The following PCDH15 variants were observed in gnomAD, a reference collection of about 807,000 sequenced individuals.
PCDH15 encodes protocadherin related 15.
A neutral mutation model predicts 178.5 loss-of-function variants in PCDH15; 129 were observed. The ratio of observed to expected loss-of-function variants is 0.72; its 90% confidence interval spans 0.63 to 0.84. The LOEUF is 0.84. Ranked by LOEUF, PCDH15 falls within the 40% of genes least tolerant of loss-of-function variation. The pLI is 0.00. For synonymous variants in PCDH15, 800 were observed against 732.0 expected (o/e 1.09, Z -1.50); for missense variants, 2,230 against 2,099.9 (o/e 1.06, Z -1.21).
intron 23 of PCDH15, among the ~76,000 whole-genome samples, chr10:53,942,283 C>T (rs1477732889): frequency 2.3e-5 from 2 of 85,570 alleles, no homozygotes; most frequent in East Asian, 7.0e-4. Context: ...ATTTTACTGT[C>T]CTGCATTTTC....
intron 13 of PCDH15, among the ~76,000 whole-genome samples, chr10:54,171,393 C>T (rs2046889431): frequency 6.6e-6 from 1 of 152,198 alleles, no homozygotes; most frequent in Admixed American, 6.5e-5. Context: ...TACAGGGGTA[C>T]AGCCCATTTG....
At chr10:54,146,978 G>A (rs905585353) in intron 14 of PCDH15, among the ~76,000 whole-genome samples, 1 of 119,756 alleles carries the variant, frequency 8.4e-6, no homozygotes, top group Non-Finnish European at 1.7e-5. Context: ...TATATATAGT[G>A]TATATATATA....
At chr10:55,537,120 C>T (rs570251345) in intron 2 of PCDH15, among the ~76,000 whole-genome samples, 6 of 151,752 alleles carry the variant, frequency 4.0e-5, no homozygotes, top group South Asian at 2.1e-4. Flanking sequence ...TATTATTAAC[C>T]GAGACTAAAA....
At chr10:54,299,463 G>A (rs904695304) in intron 8 of PCDH15, among the ~76,000 whole-genome samples, 12 of 152,196 alleles carry the variant, frequency 7.9e-5, no homozygotes, top group African/African-American at 2.9e-4. Context: ...TGATAATTAA[G>A]GGTCTTCTCT....
At chr10:55,143,080 C>T (rs968463222) in intron 2 of PCDH15, among the ~76,000 whole-genome samples, 8 of 152,092 alleles carry the variant, frequency 5.3e-5, no homozygotes, top group African/African-American at 9.7e-5. Flanking sequence ...CCCCTGCTCG[C>T]GCTCGCGCTC....
intron 2 of PCDH15, among the ~76,000 whole-genome samples, chr10:55,567,785 G>T (rs1025454502): frequency 2.0e-5 from 3 of 151,848 alleles, no homozygotes; most frequent in African/African-American, 7.2e-5. Flanking sequence ...TCACACACAG[G>T]TGCAAGTTGT....
intron 1 of PCDH15, among the ~76,000 whole-genome samples, chr10:54,733,913 CT>C (rs1157807287): frequency 1.3e-5 from 2 of 150,952 alleles, no homozygotes; most frequent in African/African-American, 4.9e-5. Context: ...GGACCTTCAC[CT>C]GTACTTCACA....
chr10:54,710,637 T>C (rs549825825), intron 1 of PCDH15, among the ~76,000 whole-genome samples: 1 of 152,060 alleles, frequency 6.6e-6, no homozygotes, highest in South Asian at 2.1e-4. Flanking sequence ...TTGCACAAAG[T>C]AGAAGAGACA....
chr10:55,022,344 C>A (rs537342376), intron 2 of PCDH15, among the ~76,000 whole-genome samples: 1 of 149,026 alleles, frequency 6.7e-6, no homozygotes, highest in Non-Finnish European at 1.5e-5. Flanking sequence ...CCCAGTTAAT[C>A]GGGAGGCAGA....
intron 2 of PCDH15, among the ~76,000 whole-genome samples, chr10:55,407,707 T>C (rs545026189): frequency 1.2e-4 from 18 of 152,200 alleles, no homozygotes; most frequent in South Asian, 1.0e-3. Flanking sequence ...CACAAACACA[T>C]GCACAAACAC....
intron 2 of PCDH15, among the ~76,000 whole-genome samples, chr10:55,602,563 C>G (rs1464891070): frequency 2.0e-5 from 3 of 152,284 alleles, no homozygotes; most frequent in South Asian, 2.1e-4. Context: ...ACTGCCTCCT[C>G]AAGTGGGTCC....
chr10:55,370,043 T>G (rs1565067033), intron 2 of PCDH15, among the ~76,000 whole-genome samples: 1 of 152,026 alleles, frequency 6.6e-6, no homozygotes, highest in Admixed American at 6.6e-5. Flanking sequence ...TTTCAAATGT[T>G]TAGCATTTTT....
At chr10:55,527,690 G>C (rs1841332656) in intron 2 of PCDH15, among the ~76,000 whole-genome samples, 1 of 151,632 alleles carries the variant, frequency 6.6e-6, no homozygotes, top group Non-Finnish European at 1.5e-5. Context: ...AATCAAAAAA[G>C]AGAAAGAATA....
At chr10:54,616,167 T>G (rs1022549671) in intron 2 of PCDH15, among the ~76,000 whole-genome samples, 1 of 152,066 alleles carries the variant, frequency 6.6e-6, no homozygotes, top group Non-Finnish European at 1.5e-5. Context: ...CAAAACTATA[T>G]CTGTGGGTGG....
chr10:54,881,210 G>T (rs1954257362), intron 3 of PCDH15, among the ~76,000 whole-genome samples: 2 of 152,034 alleles, frequency 1.3e-5, no homozygotes, highest in Non-Finnish European at 2.9e-5. Context: ...CAGCTTCATA[G>T]CAGGGGCGCT....
chr10:54,226,065 G>C (rs114033362), intron 9 of PCDH15, among the ~76,000 whole-genome samples: 1 of 152,124 alleles, frequency 6.6e-6, no homozygotes, highest in African/African-American at 2.4e-5. Flanking sequence ...TCAATCAATT[G>C]GCTGATTGAT....
At chr10:55,207,647 T>C (rs1370612404) in intron 1 of PCDH15, among the ~76,000 whole-genome samples, 1 of 151,944 alleles carries the variant, frequency 6.6e-6, no homozygotes, top group Admixed American at 6.6e-5. Flanking sequence ...TTTTTTCTTG[T>C]TTTTTTTGAA....
At chr10:54,417,350 G>GAGA (rs1954586583) in intron 3 of PCDH15, among the ~76,000 whole-genome samples, 1 of 152,070 alleles carries the variant, frequency 6.6e-6, no homozygotes, top group Non-Finnish European at 1.5e-5. Context: ...GAAGAGGTCT[G>GAGA]AGATCTTAGT....
At chr10:55,497,975 A>G (rs1310990541) in intron 2 of PCDH15, among the ~76,000 whole-genome samples, 1 of 151,894 alleles carries the variant, frequency 6.6e-6, no homozygotes, top group African/African-American at 2.4e-5. Flanking sequence ...ACCTACGGAT[A>G]TGTATAAATC....
Sources: allele counts gnomAD v4.1 joint callset (sites outside exome capture counted in the v4.1 genomes callset), GRCh38; gene constraint gnomAD v4.1.1; transcripts MANE v1.5; gene names NCBI Gene and HGNC (gene_info 2026-07-23, HGNC 2026-07-21).